The following MYO9B variants were observed in gnomAD, a reference collection of about 807,000 sequenced individuals.
MYO9B encodes the protein myosin IXB.
A neutral mutation model predicts 229.5 loss-of-function variants in MYO9B; 71 were observed. That is an observed-to-expected ratio of 0.31 (90% CI 0.26 to 0.38). The LOEUF is 0.38. Among genes scored for constraint, MYO9B ranks in the 10% least tolerant of loss-of-function variants. The pLI, the probability that MYO9B is intolerant of heterozygous loss-of-function variation, is 1.00. For missense variants in MYO9B, 2,255 were observed against 2,920.5 expected, an observed-to-expected ratio of 0.77 and a Z score of 5.25; for synonymous variants, 1,185 against 1,235.8, an observed-to-expected ratio of 0.96 and a Z score of 0.86.
rs570173591 is a variant in MYO9B, at chr19:17,096,863, G to A, written c.-58-4797G>A. 3.2e-3 allele frequency among the ~76,000 whole-genome samples: 487 copies of A among 150,964 alleles called. 2 individuals carry two copies. The highest frequency in any genetic ancestry group is 5.2e-3 in the Non-Finnish European group (351 of 67,640). ...TGGGACTACAGGCGCCCGCCACTGCGCCCAGCTAATTTTTTGTATTTTTAG... is the reference window on the plus strand; with the variant it reads ...TGGGACTACAGGCGCCCGCCACTGCACCCAGCTAATTTTTTGTATTTTTAG... On this transcript the variant is annotated intron_variant, in intron 1 of 39. Transcript: ENST00000682292.
Position 17,162,978 on chromosome 19 carries a change from T to C in MYO9B, c.1537-10T>C. 1 of 1,608,002 alleles carries C rather than the reference T, an allele frequency of 6.2e-7. No individual in the cohort carries two copies. Among genetic ancestry groups the C allele is most frequent in the Middle Eastern group, 1.7e-4 (1 of 5,924 alleles). On this transcript the variant is annotated splice_polypyrimidine_tract_variant and intron_variant, in intron 9 of 39. Coordinates refer to ENST00000682292, the MANE Select transcript of MYO9B (RefSeq NM_004145.4). ...CTGCGGGCAGTGACCATTTTCTCTG[T>C]CTCTCCCAGTGCCTGTCCATTGGGG...
chr19:17,209,442 G>A (rs908089538), intron 35 of MYO9B, 144 bp from the exon 36 acceptor site: 27 of 793,056 alleles, frequency 3.4e-5, no homozygotes, highest in Non-Finnish European at 5.0e-5. Context: ...ACACTGCATG[G>A]GAGCTGGCAC....
At chr19:17,174,064 T>A (rs2072755387) in intron 13 of MYO9B, among the ~76,000 whole-genome samples, 1 of 135,888 alleles carries the variant, frequency 7.4e-6, no homozygotes, top group Non-Finnish European at 1.5e-5. Context: ...GGAGTCTTGC[T>A]CTGTCGCCCA....
intron 1 of MYO9B, among the ~76,000 whole-genome samples, chr19:17,090,118 C>CTTTTTTTTTTTTTTTTTTTT (rs59440394): frequency 4.1e-5 from 2 of 49,236 alleles, no homozygotes; most frequent in Non-Finnish European, 7.4e-5. Flanking sequence ...TGCTTCCTTC[C>CTTTTTTTTTTTTTTTTTTTT]TTTTTTTTTT....
chr19:17,112,875 T>A (rs2057862111), intron 2 of MYO9B, among the ~76,000 whole-genome samples: 1 of 151,444 alleles, frequency 6.6e-6, no homozygotes, highest in African/African-American at 2.4e-5. Context: ...GGGAGGTGAG[T>A]TTGTCAGGAG....
chr19:17,209,235 A>T (rs966371246), intron 35 of MYO9B, among the ~76,000 whole-genome samples: 4 of 152,226 alleles, frequency 2.6e-5, no homozygotes, highest in African/African-American at 9.6e-5. Flanking sequence ...GGGTCAGCCC[A>T]TGTCTGGAGC....
rs760657782 is a variant in MYO9B, at chr19:17,211,885, C to T, written c.6059-10C>T. 1.9e-6 allele frequency: 3 copies of T among 1,587,220 alleles called. No individual in the cohort carries two copies. Among genetic ancestry groups the T allele is most frequent in the Non-Finnish European group, 2.6e-6 (3 of 1,164,542 alleles). ...AAGCTGCAGTAACCCTGCCATCTGT[C>T]TCTCAAAAGGGCCCCCTGCGCCTGC... is the stretch of plus-strand genomic sequence containing the variant. On this transcript the variant is annotated splice_polypyrimidine_tract_variant and intron_variant, in intron 39 of 39. Transcript: ENST00000682292.
intron 6 of MYO9B, among the ~76,000 whole-genome samples, 156 bp downstream of exon 6, chr19:17,154,571 G>A (rs1309642203): frequency 6.6e-6 from 1 of 152,160 alleles, no homozygotes; most frequent in Non-Finnish European, 1.5e-5. Context: ...CAATAGCAGC[G>A]ATCACATGAG....
In MYO9B at chr19:17,090,247, C is replaced by T. The variant is rs372114893; in HGVS notation, c.-58-11413C>T. Among the ~76,000 whole-genome samples, 44 of 148,882 alleles carry T rather than the reference C, an allele frequency of 3.0e-4. 2 individuals carry two copies. The East Asian group carries it at 6.5e-3, about 22-fold the overall frequency. Reference sequence around the variant, plus strand: ...CAGCCTCTGCCTCCCAGGCCCAAGCCATCTTCCCACCTCAGCCTCCTGAGT... The same window carrying T: ...CAGCCTCTGCCTCCCAGGCCCAAGCTATCTTCCCACCTCAGCCTCCTGAGT... On this transcript the variant is annotated intron_variant, in intron 1 of 39. Coordinates refer to ENST00000682292, the MANE Select transcript of MYO9B (RefSeq NM_004145.4).
chr19:17,168,100 A>G (rs2072680384), intron 11 of MYO9B, 36 bp downstream of exon 11: 3 of 1,607,084 alleles, frequency 1.9e-6, no homozygotes, highest in Non-Finnish European at 2.5e-6. Context: ...CGGCACATCT[A>G]CGCATGGGCA....
chr19:17,169,902 C>T (rs2072704248), intron 11 of MYO9B, among the ~76,000 whole-genome samples: 1 of 137,852 alleles, frequency 7.3e-6, no homozygotes, highest in Non-Finnish European at 1.5e-5. Context: ...AGTTAATTGG[C>T]GTCATCTCAG....
At chr19:17,151,943 A>G (rs1434434739) in intron 3 of MYO9B, among the ~76,000 whole-genome samples, 1 of 151,996 alleles carries the variant, frequency 6.6e-6, no homozygotes, top group Non-Finnish European at 1.5e-5. Context: ...ATTCCAGCAT[A>G]TTGGGAGGCT....
intron 7 of MYO9B, chr19:17,157,466 C>T (rs111855621): frequency 0.081 from 12,872 of 159,204 alleles, 677 homozygotes; most frequent in Middle Eastern, 0.14. Flanking sequence ...GGCAGAGGCA[C>T]GAGAATCACT....
intron 2 of MYO9B, among the ~76,000 whole-genome samples, chr19:17,140,275 A>G (rs1250461305): frequency 6.6e-6 from 1 of 152,208 alleles, no homozygotes; most frequent in Admixed American, 6.5e-5. Context: ...GAGAAGTTCA[A>G]GGTCAAGGCT....
intron 6 of MYO9B, among the ~76,000 whole-genome samples, chr19:17,156,050 A>G (rs1246710065): frequency 6.7e-6 from 1 of 149,810 alleles, no homozygotes; most frequent in Admixed American, 6.7e-5. Context: ...GCACCTCTGA[A>G]TAGCCAGTGG....
chr19:17,211,341 G>A (rs572414981), intron 38 of MYO9B, among the ~76,000 whole-genome samples: 16 of 152,204 alleles, frequency 1.1e-4, no homozygotes, highest in Admixed American at 3.9e-4. Context: ...GTGCGATCAC[G>A]GTTCACTGCA....
At chr19:17,170,631 T>G in intron 11 of MYO9B, among the ~76,000 whole-genome samples, 3 of 115,478 alleles carry the variant, frequency 2.6e-5, no homozygotes, top group Admixed American at 1.2e-4. Context: ...GGCACCATAG[T>G]GAGACCCCAT....
At chr19:17,210,461 C>T (rs2073214459) in intron 37 of MYO9B, 81 bp downstream of exon 37, 5 of 1,440,430 alleles carry the variant, frequency 3.5e-6, no homozygotes, top group Non-Finnish European at 4.6e-6. Context: ...CTGGGCCCCT[C>T]GTAGGATAGA....
At chr19:17,174,997 C>T (rs984304488) in intron 13 of MYO9B, among the ~76,000 whole-genome samples, 1 of 151,776 alleles carries the variant, frequency 6.6e-6, no homozygotes, top group Non-Finnish European at 1.5e-5. Context: ...GTCAAAGTGT[C>T]TGGGTACAAT....
Sources: allele counts gnomAD v4.1 joint callset (sites outside exome capture counted in the v4.1 genomes callset), GRCh38; gene constraint gnomAD v4.1.1; transcripts MANE v1.5; gene names NCBI Gene and HGNC (gene_info 2026-07-23, HGNC 2026-07-21).